Variants in KCNT2 observed in about 807,000 individuals in gnomAD.
KCNT2 encodes the protein potassium sodium-activated channel subfamily T member 2.
A neutral mutation model predicts 153.8 loss-of-function variants in KCNT2; 67 were observed. The observed-to-expected ratio is 0.44, with a 90% confidence interval of 0.36 to 0.53. The LOEUF (loss-of-function observed/expected upper bound fraction) is 0.53. Among genes scored for constraint, KCNT2 ranks in the 20% least tolerant of loss-of-function variants. KCNT2 has a pLI of 0.00. For synonymous variants in KCNT2, 500 were observed against 458.8 expected, an observed-to-expected ratio of 1.09 and a Z score of -1.15; for missense variants, 975 against 1,354.8, an observed-to-expected ratio of 0.72 and a Z score of 4.40.
At chr1:196,587,721 G>A (rs191005087) in intron 1 of KCNT2, among the ~76,000 whole-genome samples, 2 of 151,946 alleles carry the variant, frequency 1.3e-5, no homozygotes, top group African/African-American at 4.8e-5. Flanking sequence ...TTAATGAAAA[G>A]AAGTATCAAA....
At chr1:196,492,512 TG>T (rs1346717560) in intron 1 of KCNT2, among the ~76,000 whole-genome samples, 171 bp from the exon 2 acceptor site, 1 of 152,104 alleles carries the variant, frequency 6.6e-6, no homozygotes, top group Non-Finnish European at 1.5e-5. Context: ...TTCCCTGCCA[TG>T]GAAAATGAGA....
chr1:196,456,820 G>A (rs1300513607), intron 8 of KCNT2, among the ~76,000 whole-genome samples: 1 of 151,896 alleles, frequency 6.6e-6, no homozygotes, highest in South Asian at 2.1e-4. Flanking sequence ...AAATGACACA[G>A]GCATATCAGA....
rs113547934 is a variant in KCNT2 at position 196,561,541 on chromosome 1, G to A, written c.95+46674C>T. ...GTAAACCAAAAAGTATCTGAGACAA[G>A]TTTCAATCAATTTAGAAGTTTATTT... On this transcript the variant is annotated intron_variant, in intron 1 of 27. Transcript: ENST00000294725. Among the ~76,000 whole-genome samples the A allele has an allele frequency of 9.7e-3, 1,458 of 150,438 alleles. 24 individuals carry two copies. The highest frequency in any genetic ancestry group is 0.032 in the African/African-American group (1,317 of 40,938).
chr1:196,579,047 C>G (rs1661706707), intron 1 of KCNT2, among the ~76,000 whole-genome samples: 1 of 152,034 alleles, frequency 6.6e-6, no homozygotes, highest in Non-Finnish European at 1.5e-5. Flanking sequence ...GACGGATGAG[C>G]CTACCTTGAC....
At chr1:196,395,068 G>A (rs1372839122) in intron 13 of KCNT2, among the ~76,000 whole-genome samples, 1 of 150,320 alleles carries the variant, frequency 6.7e-6, no homozygotes, top group Non-Finnish European at 1.5e-5. Context: ...ATTATGATAT[G>A]GTTATTCTCT....
At chr1:196,466,773 A>G (rs1330689747) in intron 7 of KCNT2, among the ~76,000 whole-genome samples, 1 of 152,056 alleles carries the variant, frequency 6.6e-6, no homozygotes, top group Non-Finnish European at 1.5e-5. Context: ...TATAGTGAAC[A>G]TGTATTAACA....
chr1:196,251,064 A>C (rs1655921673), intron 26 of KCNT2, among the ~76,000 whole-genome samples: 1 of 152,086 alleles, frequency 6.6e-6, no homozygotes, highest in Non-Finnish European at 1.5e-5. Context: ...AACAGTTGAG[A>C]GCTTCCTCAA....
rs765602951 is a variant in KCNT2 at position 196,429,732 on chromosome 1, G to A, written c.664C>T (p.Arg222Ter). 1.2e-6 allele frequency: 2 copies of A among 1,604,804 alleles called. No individual in the cohort carries two copies. Among genetic ancestry groups the A allele is most frequent in the Non-Finnish European group, 1.7e-6 (2 of 1,176,520 alleles). ...TCICGIQHLE[R>*]IGKKLNLFDS... ...AAGAGATTCAGCTTCTTTCCTATTC[G>A]TTCCAGATGTTGGATCCCACAAATG... The change falls in exon 9 of 28, where the codon CGA becomes TGA. Residue 222 changes from arginine to a stop codon, truncating the protein, a stop_gained. Coordinates refer to ENST00000294725, the MANE Select transcript of KCNT2 (RefSeq NM_198503.5). LOFTEE classifies it high-confidence loss of function.
chr1:196,415,823 C>T (rs958939115), intron 12 of KCNT2, among the ~76,000 whole-genome samples: 10 of 151,862 alleles, frequency 6.6e-5, no homozygotes, highest in Non-Finnish European at 4.4e-5. Context: ...CTCAATGACA[C>T]TCTTGTTGTC....
intron 1 of KCNT2, among the ~76,000 whole-genome samples, chr1:196,537,418 C>T (rs759563248): frequency 1.4e-4 from 22 of 152,258 alleles, no homozygotes; most frequent in South Asian, 4.1e-4. Context: ...CCGTAATAGA[C>T]GGCACAGCTG....
intron 1 of KCNT2, among the ~76,000 whole-genome samples, chr1:196,538,296 A>G (rs1655879282): frequency 6.6e-6 from 1 of 152,082 alleles, no homozygotes; most frequent in African/African-American, 2.4e-5. Flanking sequence ...TTGTGGCTAC[A>G]TGGTAAACCT....
At chr1:196,523,160 C>G (rs926879895) in intron 1 of KCNT2, among the ~76,000 whole-genome samples, 1 of 152,152 alleles carries the variant, frequency 6.6e-6, no homozygotes, top group Non-Finnish European at 1.5e-5. Flanking sequence ...TCTGGACGCA[C>G]CACCTTTAAG....
At chr1:196,477,625 C>T (rs1393184982) in intron 5 of KCNT2, among the ~76,000 whole-genome samples, 1 of 151,966 alleles carries the variant, frequency 6.6e-6, no homozygotes, top group African/African-American at 2.4e-5. Context: ...AATTGATGTG[C>T]TAGATATGAG....
At chr1:196,386,702 A>C (rs1670017344) in intron 13 of KCNT2, among the ~76,000 whole-genome samples, 1 of 152,084 alleles carries the variant, frequency 6.6e-6, no homozygotes, top group Non-Finnish European at 1.5e-5. Flanking sequence ...ACCACTTTTT[A>C]AATTGCTTTA....
intron 18 of KCNT2, among the ~76,000 whole-genome samples, chr1:196,327,321 A>C (rs919757026): frequency 5.3e-5 from 8 of 152,012 alleles, no homozygotes; most frequent in Non-Finnish European, 7.4e-5. Flanking sequence ...GTGAAAAAAA[A>C]AACCAAAAAA....
intron 1 of KCNT2, among the ~76,000 whole-genome samples, chr1:196,493,048 A>G (rs1177696164): frequency 2.6e-5 from 4 of 152,314 alleles, no homozygotes; most frequent in African/African-American, 9.6e-5. Flanking sequence ...ACTTTAATAA[A>G]TACTCTAAAT....
At chr1:196,409,060 C>T (rs1247472351) in intron 12 of KCNT2, among the ~76,000 whole-genome samples, 1 of 149,324 alleles carries the variant, frequency 6.7e-6, no homozygotes, top group African/African-American at 2.4e-5. Context: ...GAAGCACACA[C>T]ACACATTTAG....
chr1:196,340,285 CATT>C (rs1383603438), intron 16 of KCNT2, 53 bp downstream of exon 16: 5 of 1,064,414 alleles, frequency 4.7e-6, no homozygotes, highest in African/African-American at 1.6e-5. Context: ...TGGTATTTAT[CATT>C]ATTTTTTATT....
intron 1 of KCNT2, among the ~76,000 whole-genome samples, chr1:196,590,802 A>ATGT (rs1663250471): frequency 6.6e-6 from 1 of 152,136 alleles, no homozygotes; most frequent in South Asian, 2.1e-4. Flanking sequence ...TATGGTTGAG[A>ATGT]TGTTACACCA....
Sources: allele counts gnomAD v4.1 joint callset (sites outside exome capture counted in the v4.1 genomes callset), GRCh38; gene constraint gnomAD v4.1.1; transcripts MANE v1.5; gene names NCBI Gene and HGNC (gene_info 2026-07-23, HGNC 2026-07-21).